Variants in TSPEAR observed in about 807,000 individuals in gnomAD.
TSPEAR encodes thrombospondin type laminin G domain and EAR repeats, also known as thrombospondin-type laminin G domain and EAR repeat-containing protein.
In TSPEAR, 69 loss-of-function variants were observed where a neutral mutation model predicts 71.6. The observed-to-expected ratio is 0.96, with a 90% CI of 0.79 to 1.18. The LOEUF (loss-of-function observed/expected upper bound fraction) is 1.18. Ranked by LOEUF, TSPEAR falls within the 50% of genes most tolerant of loss-of-function variation. TSPEAR has a pLI of 0.00. For synonymous variants in TSPEAR, 402 were observed against 387.2 expected (o/e 1.04, Z -0.45); for missense variants, 971 against 894.9 (o/e 1.09, Z -1.09).
chr21:44,544,282 T>C (rs2053266467), intron 2 of TSPEAR, among the ~76,000 whole-genome samples: 7 of 145,666 alleles, frequency 4.8e-5, no homozygotes, highest in Admixed American at 4.0e-4. Flanking sequence ...ATTATGGCAA[T>C]AGTAATCATA....
intron 1 of TSPEAR, among the ~76,000 whole-genome samples, chr21:44,708,007 GCACACACA>G (rs58196199): frequency 0.14 from 17,031 of 122,248 alleles, 2,084 homozygotes; most frequent in African/African-American, 0.31. Context: ...CCCCGCGCGT[GCACACACA>G]CACACACACA....
chr21:44,676,095 C>G, intron 1 of TSPEAR: 1 of 875,882 alleles, frequency 1.1e-6, no homozygotes, highest in East Asian at 2.4e-5. Context: ...GTGTTTATAT[C>G]TTCAGATCAG....
At position 44,681,726 on chromosome 21, in the gene TSPEAR, A is replaced by G. The variant is rs556381268; in HGVS notation, c.82+29707T>C. 78 of 1,376,510 alleles carry G rather than the reference A, an allele frequency of 5.7e-5. 1 individual carries two copies. The African/African-American group carries it at 9.1e-4, about 16-fold the overall frequency. The allele number at this position is 1,376,510 out of a possible 1,614,324, so 85.3% of individuals were successfully genotyped here. A position where few individuals can be genotyped will look rare whatever the true frequency, so the allele number is the denominator to read the frequency against. ...CCAGAATTCAGAGGGTTCACTGAGC[A>G]TGCTTTTCACCTGCACCATGTGCAG... On this transcript the variant is annotated intron_variant, in intron 1 of 11. Transcript: ENST00000323084.
intron 1 of TSPEAR, among the ~76,000 whole-genome samples, chr21:44,577,149 G>A (rs1485610417): frequency 1.3e-5 from 2 of 152,146 alleles, no homozygotes; most frequent in Non-Finnish European, 2.9e-5. Flanking sequence ...AGCATGTAGA[G>A]GAAAATGCAT....
chr21:44,570,187 G>C (rs1364104237), intron 1 of TSPEAR, among the ~76,000 whole-genome samples: 1 of 152,208 alleles, frequency 6.6e-6, no homozygotes, highest in Non-Finnish European at 1.5e-5. Flanking sequence ...TGAGCCCCGG[G>C]ATAGACAGTC....
In TSPEAR at chr21:44,642,615, A is replaced by G. The variant is rs2174150; in HGVS notation, c.82+68818T>C. Among the ~76,000 whole-genome samples the G allele has an allele frequency of 0.78, 118,092 of 151,996 alleles. 46,322 individuals are homozygous for G. The highest frequency in any genetic ancestry group is 0.89 in the African/African-American group (36,970 of 41,468). ...TCCCAGCACTTTGAGAGGCCGAGGCAGGCAGATCACGAGGTCAGGAGATCG... is the reference window on the plus strand; with the variant it reads ...TCCCAGCACTTTGAGAGGCCGAGGCGGGCAGATCACGAGGTCAGGAGATCG... On this transcript the variant is annotated intron_variant, in intron 1 of 11. Coordinates refer to ENST00000323084, the MANE Select transcript of TSPEAR (RefSeq NM_144991.3). The surrounding 1 kb of genome is among the most constrained non-coding windows in gnomAD (Gnocchi z 4.1).
chr21:44,671,690 G>A (rs73233102), intron 1 of TSPEAR, among the ~76,000 whole-genome samples: 5,998 of 152,262 alleles, frequency 0.039, 128 homozygotes, highest in Middle Eastern at 0.085. Context: ...AGACACATCT[G>A]CAGGAAAAAG....
intron 2 of TSPEAR, among the ~76,000 whole-genome samples, chr21:44,548,177 G>A (rs1555917971): frequency 6.6e-6 from 1 of 152,198 alleles, no homozygotes; most frequent in African/African-American, 2.4e-5. Flanking sequence ...GCCACCAGAT[G>A]GGTAGAAACA....
At chr21:44,646,951 T>A (rs879987864) in intron 1 of TSPEAR, 2 of 1,603,300 alleles carry the variant, frequency 1.2e-6, no homozygotes, top group South Asian at 2.2e-5. Context: ...CTCTGAGGAT[T>A]CCTCTTCATG....
chr21:44,527,539 A>G (rs782706157), intron 6 of TSPEAR, 21 bp from the exon 7 acceptor site: 2 of 1,610,604 alleles, frequency 1.2e-6, no homozygotes, highest in Non-Finnish European at 1.7e-6. Flanking sequence ...AAACGTTGTG[A>G]CTCGGTTAAG....
intron 1 of TSPEAR, among the ~76,000 whole-genome samples, chr21:44,621,038 T>C (rs1982400084): frequency 6.6e-6 from 1 of 152,242 alleles, no homozygotes; most frequent in African/African-American, 2.4e-5. Context: ...ATGATTCAAA[T>C]CAATTTAGAT....
chr21:44,670,689 G>A (rs587762461), intron 1 of TSPEAR, among the ~76,000 whole-genome samples: 9 of 152,248 alleles, frequency 5.9e-5, no homozygotes, highest in African/African-American at 2.2e-4. Flanking sequence ...GCCACATAAT[G>A]GCATTGCTCC....
At chr21:44,704,906 C>T (rs1814524675) in intron 1 of TSPEAR, among the ~76,000 whole-genome samples, 1 of 152,138 alleles carries the variant, frequency 6.6e-6, no homozygotes, top group Non-Finnish European at 1.5e-5. Context: ...CAAAGGAGCC[C>T]TGGCTGCCCG....
intron 1 of TSPEAR, among the ~76,000 whole-genome samples, chr21:44,664,318 A>G (rs587602597): frequency 8.5e-5 from 13 of 152,342 alleles, no homozygotes; most frequent in Admixed American, 7.8e-4. Flanking sequence ...ATTGAAACTT[A>G]AAAATAGTAC....
intron 1 of TSPEAR, among the ~76,000 whole-genome samples, chr21:44,605,810 A>G (rs1230253419): frequency 6.6e-6 from 1 of 152,228 alleles, no homozygotes; most frequent in Admixed American, 6.5e-5. Flanking sequence ...CTCAAAATGC[A>G]TGGAAGACCT....
At chr21:44,514,648 C>A (rs1323035568) in intron 9 of TSPEAR, among the ~76,000 whole-genome samples, 1 of 152,230 alleles carries the variant, frequency 6.6e-6, no homozygotes, top group Non-Finnish European at 1.5e-5. Flanking sequence ...ACGGCCTACT[C>A]CTCGTCAGCT....
At chr21:44,517,040 C>G (rs886882488) in intron 9 of TSPEAR, among the ~76,000 whole-genome samples, 3 of 152,186 alleles carry the variant, frequency 2.0e-5, no homozygotes, top group African/African-American at 2.4e-5. Flanking sequence ...GCCCCTGTGT[C>G]TCTGCCTTCC....
chr21:44,535,709 G>A (rs1555916301), intron 2 of TSPEAR, among the ~76,000 whole-genome samples: 1 of 152,094 alleles, frequency 6.6e-6, no homozygotes, highest in Non-Finnish European at 1.5e-5. Flanking sequence ...TGGGACTACA[G>A]GTGCACACCA....
intron 2 of TSPEAR, chr21:44,558,340 C>T (rs368421972): frequency 2.5e-6 from 4 of 1,613,182 alleles, no homozygotes. Context: ...CAGACGGGCA[C>T]ACAGCAGATG....
Sources: allele counts gnomAD v4.1 joint callset (sites outside exome capture counted in the v4.1 genomes callset), GRCh38; gene constraint gnomAD v4.1.1; non-coding constraint Gnocchi (gnomAD v3.1); transcripts MANE v1.5; gene names NCBI Gene and HGNC (gene_info 2026-07-23, HGNC 2026-07-21).